Variants in SLC7A5 observed in about 807,000 individuals in gnomAD.
SLC7A5 encodes large neutral amino acids transporter small subunit 1.
A neutral mutation model predicts 50.2 loss-of-function variants in SLC7A5; 23 were observed. The ratio of observed to expected loss-of-function variants is 0.46; its 90% CI spans 0.33 to 0.65. SLC7A5 has a LOEUF of 0.65. Ranked by LOEUF, SLC7A5 falls within the 30% of genes least tolerant of loss-of-function variation. SLC7A5 has a pLI of 0.02. For synonymous variants in SLC7A5, 393 were observed against 330.6 expected (o/e 1.19, Z -2.05); for missense variants, 578 against 684.4 (o/e 0.84, Z 1.73).
At chr16:87,849,852 G>A (rs1223202142) in intron 2 of SLC7A5, among the ~76,000 whole-genome samples, 2 of 152,174 alleles carry the variant, frequency 1.3e-5, no homozygotes, top group African/African-American at 2.4e-5. Flanking sequence ...ATGCATGGGG[G>A]ATGGGCTCGA....
At chr16:87,840,554 A>C (rs940885418) in intron 3 of SLC7A5, 81 bp from the exon 4 acceptor site, 133 of 1,240,824 alleles carry the variant, frequency 1.1e-4, no homozygotes, top group Middle Eastern at 5.6e-4. Context: ...ATCCCAGGGC[A>C]GCTGGTGAGC....
At chr16:87,850,611 C>G (rs1056002767) in intron 2 of SLC7A5, among the ~76,000 whole-genome samples, 5 of 152,238 alleles carry the variant, frequency 3.3e-5, no homozygotes, top group African/African-American at 9.6e-5. Context: ...CAGCTCCTAA[C>G]TGCTCTGCTC....
In SLC7A5 at chr16:87,833,940, G is replaced by A. The variant is rs141945588; in HGVS notation, c.1468+474C>T. Reference sequence around the variant, plus strand: ...GCGATCTCGGCTCACTGCAACCTCCGTCTCCCGGGTTCAAGTGATTCTCCT... The same window carrying A: ...GCGATCTCGGCTCACTGCAACCTCCATCTCCCGGGTTCAAGTGATTCTCCT... On this transcript the variant is annotated intron_variant, in intron 9 of 9. Coordinates refer to ENST00000261622, the MANE Select transcript of SLC7A5 (RefSeq NM_003486.7). The surrounding 1 kb of genome is among the most constrained non-coding windows in gnomAD (Gnocchi z 6.0). 8.3e-3 allele frequency among the ~76,000 whole-genome samples: 1,256 copies of A among 150,920 alleles called. 15 individuals carry two copies. Among genetic ancestry groups the A allele is most frequent in the African/African-American group, 0.026 (1,070 of 40,968 alleles).
chr16:87,834,478 C>A lies in SLC7A5; in HGVS notation c.1404G>T (p.Gly468=). The change falls in exon 9 of 10, where the codon GGG becomes GGT. Residue 468 remains glycine, a synonymous_variant. Transcript: ENST00000261622. ...AGACCCCGAAGAAGTAGACGGGCAG[C>A]CCGCTGAGGATGATGGTGAAGCCGA... ...CGIGFTIILS[G]LPVYFFGVWW... is the part of the protein sequence containing the mutation. 1 of 1,574,226 alleles carries A rather than the reference C, an allele frequency of 6.4e-7. No homozygotes were observed. The highest frequency in any genetic ancestry group is 1.7e-4 in the Middle Eastern group (1 of 6,006).
chr16:87,856,281 C>T (rs1474234186), intron 1 of SLC7A5, among the ~76,000 whole-genome samples: 3 of 152,208 alleles, frequency 2.0e-5, no homozygotes, highest in Admixed American at 2.0e-4. Flanking sequence ...GGGGCTGGGG[C>T]AGAGATGGTC....
intron 1 of SLC7A5, among the ~76,000 whole-genome samples, chr16:87,856,788 C>G (rs1273430607): frequency 6.6e-6 from 1 of 152,094 alleles, no homozygotes; most frequent in African/African-American, 2.4e-5. Flanking sequence ...CCTTCTCCAC[C>G]GACAGACAGC....
intron 1 of SLC7A5, among the ~76,000 whole-genome samples, chr16:87,868,234 G>C (rs907789741): frequency 6.6e-6 from 1 of 152,142 alleles, no homozygotes; most frequent in Admixed American, 6.5e-5. Flanking sequence ...CCCCATGGCT[G>C]TTTCCCAGAG....
intron 2 of SLC7A5, among the ~76,000 whole-genome samples, chr16:87,851,109 GTGCGCCAGAC>G (rs2055217016): frequency 6.6e-6 from 1 of 152,046 alleles, no homozygotes; most frequent in South Asian, 2.1e-4. Flanking sequence ...CTTAAAACCT[GTGCGCCAGAC>G]TGCTCTCACC....
intron 2 of SLC7A5, among the ~76,000 whole-genome samples, chr16:87,842,948 C>A (rs1012016749): frequency 5.3e-5 from 8 of 152,166 alleles, no homozygotes; most frequent in African/African-American, 1.9e-4. Flanking sequence ...ATCTGCATAG[C>A]CCTACTGTGT....
At chr16:87,858,672 G>C (rs374907808) in intron 1 of SLC7A5, among the ~76,000 whole-genome samples, 1 of 152,098 alleles carries the variant, frequency 6.6e-6, no homozygotes, top group Non-Finnish European at 1.5e-5. Flanking sequence ...TCGTGCTCTG[G>C]CCACTTGACT....
chr16:87,865,252 GA>G (rs1019808243), intron 1 of SLC7A5, among the ~76,000 whole-genome samples: 1 of 151,608 alleles, frequency 6.6e-6, no homozygotes, highest in African/African-American at 2.4e-5. Flanking sequence ...GTGGGTCAGA[GA>G]AAAAAAACAA....
chr16:87,851,913 G>A, intron 1 of SLC7A5, 64 bp from the exon 2 acceptor site: 1 of 1,602,796 alleles, frequency 6.2e-7, no homozygotes, highest in Non-Finnish European at 8.5e-7. Context: ...GGGGTAGGCT[G>A]GGAGGTGACG....
At chr16:87,856,108 C>A (rs4843272) in intron 1 of SLC7A5, among the ~76,000 whole-genome samples, 2 of 152,064 alleles carry the variant, frequency 1.3e-5, no homozygotes, top group African/African-American at 4.8e-5. Context: ...CCCAGGCAGG[C>A]GTCCAGCCCA....
intron 8 of SLC7A5, among the ~76,000 whole-genome samples, chr16:87,836,219 C>A (rs573249118): frequency 1.3e-5 from 2 of 152,264 alleles, no homozygotes; most frequent in Non-Finnish European, 2.9e-5. Flanking sequence ...CCACCGCCCA[C>A]CTATGACTGC....
chr16:87,858,174 C>G (rs1467126767), intron 1 of SLC7A5, among the ~76,000 whole-genome samples: 1 of 152,200 alleles, frequency 6.6e-6, no homozygotes, highest in Non-Finnish European at 1.5e-5. Flanking sequence ...GTGTGAACTC[C>G]GGCAAGTTCC....
At chr16:87,867,472 A>G (rs115197546) in intron 1 of SLC7A5, among the ~76,000 whole-genome samples, 42,948 of 151,884 alleles carry the variant, frequency 0.28, 6,243 homozygotes, top group South Asian at 0.33. Context: ...CGGCTGCTCG[A>G]CTCAGAGCCT....
chr16:87,848,975 T>C (rs1716349192), intron 2 of SLC7A5, among the ~76,000 whole-genome samples: 1 of 152,192 alleles, frequency 6.6e-6, no homozygotes, highest in South Asian at 2.1e-4. Context: ...AGGGCCCACC[T>C]GGGGGCCAAG....
Position 87,832,786 on chromosome 16 carries a change from T to A in SLC7A5, c.*184A>T, listed in dbSNP as rs1020021141. The A allele has an allele frequency of 1.6e-6, 1 of 630,154 alleles. No homozygotes were observed. Among genetic ancestry groups the A allele is most frequent in the Admixed American group, 2.1e-5 (1 of 48,470 alleles). The allele number at this position is 630,154 out of a possible 1,614,324, so 39.0% of individuals were successfully genotyped here. On this transcript the variant is annotated 3_prime_UTR_variant, in exon 10 of 10. Coordinates refer to ENST00000261622, the MANE Select transcript of SLC7A5 (RefSeq NM_003486.7). The surrounding 1 kb of genome is among the most constrained non-coding windows in gnomAD (Gnocchi z 4.6). ...GCACACCTGGGTCCCTGGCCCTCAG[T>A]TGAGGGATGAGATTCGTACCAGAGT...
chr16:87,866,762 G>A (rs942668208), intron 1 of SLC7A5, among the ~76,000 whole-genome samples: 1 of 152,004 alleles, frequency 6.6e-6, no homozygotes, highest in African/African-American at 2.4e-5. Context: ...CACAGTGCCT[G>A]GCTGGTTTGA....
Sources: allele counts gnomAD v4.1 joint callset (sites outside exome capture counted in the v4.1 genomes callset), GRCh38; gene constraint gnomAD v4.1.1; non-coding constraint Gnocchi (gnomAD v3.1); transcripts MANE v1.5; gene names NCBI Gene and HGNC (gene_info 2026-07-23, HGNC 2026-07-21).